REDIC1: variants seen among roughly 807,000 people sequenced by gnomAD.
The protein encoded by REDIC1 is HEI10 Interacting Protein 1.
chr12:39,712,368 A>ATATACC, the REDIC1 span, among the ~76,000 whole-genome samples: 664 of 137,164 alleles, frequency 4.8e-3, 30 homozygotes, highest in African/African-American at 0.017. Flanking sequence ...ATACATACAT[A>ATATACC]TGTATATATA....
the REDIC1 span, among the ~76,000 whole-genome samples, chr12:39,750,190 T>C: frequency 6.6e-6 from 1 of 152,206 alleles, no homozygotes; most frequent in African/African-American, 2.4e-5. Flanking sequence ...GCCCAAAATC[T>C]CCTTAAGCTG....
At chr12:39,759,982 C>G in the REDIC1 span, 2 of 1,480,706 alleles carry the variant, frequency 1.4e-6, no homozygotes, top group Non-Finnish European at 1.9e-6. Flanking sequence ...CTGTTCTTCT[C>G]CCCCCAGTTT....
chr12:39,742,204 G>A, the REDIC1 span, among the ~76,000 whole-genome samples: 505 of 152,280 alleles, frequency 3.3e-3, no homozygotes, highest in Middle Eastern at 0.01. Flanking sequence ...TTTACAGGTA[G>A]CAGTCAGTAC....
chr12:39,732,405 T>G, the REDIC1 span, among the ~76,000 whole-genome samples: 1 of 152,186 alleles, frequency 6.6e-6, no homozygotes, highest in South Asian at 2.1e-4. Flanking sequence ...TGGTGTGTGT[T>G]TTTTCATTAG....
the REDIC1 span, chr12:39,684,864 TA>T: frequency 6.2e-7 from 1 of 1,606,366 alleles, no homozygotes; most frequent in East Asian, 2.2e-5. Flanking sequence ...TTATAATCCT[TA>T]GGGGAAATAT....
chr12:39,796,110 C>T, the REDIC1 span, among the ~76,000 whole-genome samples: 5 of 152,130 alleles, frequency 3.3e-5, no homozygotes, highest in African/African-American at 1.2e-4. Flanking sequence ...ATGGACATTT[C>T]ATATTAATGG....
At chr12:39,824,806 CA>C in the REDIC1 span, among the ~76,000 whole-genome samples, 46 of 151,880 alleles carry the variant, frequency 3.0e-4, no homozygotes, top group African/African-American at 1.1e-3. Context: ...TGGGGCTTAT[CA>C]CAGAAACTGC....
At chr12:39,900,106 T>C in the REDIC1 span, among the ~76,000 whole-genome samples, 5,241 of 152,220 alleles carry the variant, frequency 0.034, 215 homozygotes, top group Admixed American at 0.12. Context: ...ATTATCTCAA[T>C]AGAGGCAGAA....
chr12:39,789,501 C>T, the REDIC1 span, among the ~76,000 whole-genome samples: 6 of 152,136 alleles, frequency 3.9e-5, no homozygotes, highest in Non-Finnish European at 7.4e-5. Flanking sequence ...CTGCTATGCA[C>T]ATATTTTTAA....
chr12:39,657,406 C>T, the REDIC1 span, among the ~76,000 whole-genome samples: 1 of 152,168 alleles, frequency 6.6e-6, no homozygotes, highest in Non-Finnish European at 1.5e-5. Context: ...ACAAAATTGC[C>T]TAATGACACA....
the REDIC1 span, among the ~76,000 whole-genome samples, chr12:39,816,151 G>A: frequency 6.6e-6 from 1 of 152,076 alleles, no homozygotes; most frequent in African/African-American, 2.4e-5. Context: ...TTTAAGTTTT[G>A]TGAACTTGGG....
chr12:39,695,120 G>A, the REDIC1 span, among the ~76,000 whole-genome samples: 1 of 152,142 alleles, frequency 6.6e-6, no homozygotes, highest in Non-Finnish European at 1.5e-5. Context: ...TGCATTGAGG[G>A]CCTTGGGTGA....
chr12:39,830,762 C>A, the REDIC1 span, among the ~76,000 whole-genome samples: 1 of 152,262 alleles, frequency 6.6e-6, no homozygotes, highest in East Asian at 1.9e-4. Context: ...TACTACTACT[C>A]AAATATGGCC....
chr12:39,900,489 G>C, the REDIC1 span, among the ~76,000 whole-genome samples: 24 of 152,126 alleles, frequency 1.6e-4, no homozygotes, highest in East Asian at 4.6e-3. Flanking sequence ...CTTCAGCAAA[G>C]TCTCAGGATA....
At chr12:39,736,075 T>G in the REDIC1 span, among the ~76,000 whole-genome samples, 3 of 152,188 alleles carry the variant, frequency 2.0e-5, no homozygotes, top group Non-Finnish European at 4.4e-5. Flanking sequence ...GCTGCAAACA[T>G]CAGCATTTTT....
At chr12:39,704,471 G>T in the REDIC1 span, among the ~76,000 whole-genome samples, 2 of 152,316 alleles carry the variant, frequency 1.3e-5, no homozygotes, top group East Asian at 3.9e-4. Flanking sequence ...TACACTGTTG[G>T]TGGGACTGTA....
chr12:39,669,610 G>A, the REDIC1 span, among the ~76,000 whole-genome samples: 1 of 152,244 alleles, frequency 6.6e-6, no homozygotes, highest in Admixed American at 6.5e-5. Context: ...GTGTGCAGAG[G>A]ATTCTGCTGC....
chr12:39,664,163 G>A, the REDIC1 span, among the ~76,000 whole-genome samples: 1 of 151,466 alleles, frequency 6.6e-6, no homozygotes, highest in Non-Finnish European at 1.5e-5. Flanking sequence ...CCATGTTGGT[G>A]TGCTGCACCC....
chr12:39,837,182 G>A, the REDIC1 span, among the ~76,000 whole-genome samples: 3 of 146,928 alleles, frequency 2.0e-5, no homozygotes, highest in East Asian at 6.0e-4. Context: ...CAGAAATAAT[G>A]CCACATACCT....
Sources: allele counts gnomAD v4.1 joint callset (sites outside exome capture counted in the v4.1 genomes callset), GRCh38; gene constraint gnomAD v4.1.1; transcripts MANE v1.5; gene names NCBI Gene and HGNC (gene_info 2026-07-23, HGNC 2026-07-21).